CLASP1: variants seen among roughly 807,000 people sequenced by gnomAD.
The protein encoded by CLASP1 is CLIP-associating protein 1.
A neutral mutation model predicts 192.3 loss-of-function variants in CLASP1; 38 were observed. The ratio of observed to expected loss-of-function variants is 0.20; its 90% CI spans 0.15 to 0.26. The LOEUF is 0.26. CLASP1 is among the 10% of genes least tolerant of loss of function. CLASP1 has a pLI of 1.00. For synonymous variants in CLASP1, 691 were observed against 712.8 expected (o/e 0.97, Z 0.49); for missense variants, 1,433 against 1,932.5 (o/e 0.74, Z 4.85).
chr2:121,349,354 G>C (rs1047161309), intron 37 of CLASP1, among the ~76,000 whole-genome samples: 3 of 152,174 alleles, frequency 2.0e-5, no homozygotes, highest in Non-Finnish European at 2.9e-5. Context: ...GGCCCACCCA[G>C]ACCTGCTCAC....
At chr2:121,509,565 C>T (rs1183515714) in intron 7 of CLASP1, among the ~76,000 whole-genome samples, 1 of 152,190 alleles carries the variant, frequency 6.6e-6, no homozygotes, top group Non-Finnish European at 1.5e-5. Flanking sequence ...AAGCCGGGCA[C>T]GGTGGACCAC....
rs563033471 is a variant in CLASP1 at position 121,630,166 on chromosome 2, C to T, written c.-286+19206G>A. Among the ~76,000 whole-genome samples the T allele has an allele frequency of 3.0e-3, 451 of 152,110 alleles. 3 individuals carry two copies. The highest frequency in any genetic ancestry group is 2.6e-3 in the Non-Finnish European group (179 of 67,990). ...AACTCCTGACCTCAAGCGATCCACC[C>T]GCCTCCGCCTCCCAAACTGCTGGGA... On this transcript the variant is annotated intron_variant, in intron 1 of 39. Coordinates refer to ENST00000263710, the Ensembl canonical transcript of CLASP1.
chr2:121,353,516 G>A (rs1408242027), intron 37 of CLASP1, among the ~76,000 whole-genome samples: 1 of 152,128 alleles, frequency 6.6e-6, no homozygotes, highest in Non-Finnish European at 1.5e-5. Flanking sequence ...CCCACACCCT[G>A]CCCAGCCACA....
chr2:121,541,514 C>T (rs910731086), intron 2 of CLASP1, among the ~76,000 whole-genome samples: 3 of 152,182 alleles, frequency 2.0e-5, no homozygotes, highest in Non-Finnish European at 4.4e-5. Context: ...TTCACTATAA[C>T]ATAATAATGA....
chr2:121,414,672 A>G (rs2149530023), intron 23 of CLASP1, among the ~76,000 whole-genome samples: 1 of 152,346 alleles, frequency 6.6e-6, no homozygotes, highest in Middle Eastern at 3.4e-3. Flanking sequence ...GAAGTTCATA[A>G]TGTTACTTCA....
rs13413520 is a variant in CLASP1 at position 121,492,325 on chromosome 2, C to T, written c.712+10842G>A. 5.0e-3 allele frequency among the ~76,000 whole-genome samples: 687 copies of T among 138,470 alleles called. 5 individuals are homozygous for T. Among genetic ancestry groups the T allele is most frequent in the African/African-American group, 0.017 (629 of 36,752 alleles). The allele number at this position is 138,470 out of a possible 152,430, so 90.8% of individuals were successfully genotyped here. On this transcript the variant is annotated intron_variant, in intron 8 of 39. Transcript: ENST00000263710. ...AATGGTGAGAACCCGGGAGGCGGAG[C>T]TTGCAGTGAGCCGAGGTCGCACCAG...
intron 28 of CLASP1, among the ~76,000 whole-genome samples, chr2:121,401,057 C>T (rs2076094945): frequency 1.3e-5 from 2 of 152,198 alleles, no homozygotes; most frequent in Admixed American, 1.3e-4. Context: ...TGCAAATGTG[C>T]TATTAATCTC....
intron 32 of CLASP1, among the ~76,000 whole-genome samples, chr2:121,383,223 G>T (rs753394421): frequency 1.9e-4 from 29 of 152,224 alleles, no homozygotes; most frequent in Non-Finnish European, 3.8e-4. Context: ...TGCCTACACA[G>T]CAGCCCTGCC....
At chr2:121,593,626 C>CAAAAAA (rs61315745) in intron 2 of CLASP1, among the ~76,000 whole-genome samples, 40 of 50,634 alleles carry the variant, frequency 7.9e-4, no homozygotes, top group African/African-American at 2.0e-3. Context: ...AACTCCGTCT[C>CAAAAAA]AAAAAAAAAA....
At chr2:121,474,214 A>C (rs1037565618) in intron 8 of CLASP1, among the ~76,000 whole-genome samples, 2 of 152,208 alleles carry the variant, frequency 1.3e-5, no homozygotes, top group Non-Finnish European at 2.9e-5. Flanking sequence ...ATTAGGATAT[A>C]TGTTGCTGTA....
chr2:121,518,025 T>A (rs1305208807), intron 6 of CLASP1, among the ~76,000 whole-genome samples: 1 of 147,452 alleles, frequency 6.8e-6, no homozygotes, highest in Non-Finnish European at 1.5e-5. Flanking sequence ...AGGTCAGGAG[T>A]TCGAGACCAG....
At chr2:121,409,148 A>G (rs1295250868) in intron 24 of CLASP1, 2 of 968,870 alleles carry the variant, frequency 2.1e-6, no homozygotes, top group Non-Finnish European at 3.1e-6. Context: ...ACAGCAAAAC[A>G]TATCTTAGCA....
At chr2:121,451,714 A>G in intron 15 of CLASP1, 76 bp downstream of exon 15, 4 of 1,159,516 alleles carry the variant, frequency 3.4e-6, no homozygotes, top group Non-Finnish European at 5.0e-6. Context: ...ACAGAAAGCC[A>G]GCTGGACCAC....
chr2:121,461,372 T>G (rs969586093), intron 10 of CLASP1, among the ~76,000 whole-genome samples, 179 bp from the exon 11 acceptor site: 1 of 152,178 alleles, frequency 6.6e-6, no homozygotes, highest in Non-Finnish European at 1.5e-5. Context: ...ACTACAAATG[T>G]GTACCCACAA....
At chr2:121,426,104 C>T (rs1378021788) in intron 21 of CLASP1, among the ~76,000 whole-genome samples, 1 of 152,062 alleles carries the variant, frequency 6.6e-6, no homozygotes, top group Non-Finnish European at 1.5e-5. Flanking sequence ...ATGATCACAC[C>T]ACTGCACTTC....
At chr2:121,633,440 T>TG (rs33998120) in intron 1 of CLASP1, among the ~76,000 whole-genome samples, 36,089 of 151,790 alleles carry the variant, frequency 0.24, 6,502 homozygotes, top group African/African-American at 0.5. Flanking sequence ...GTCTAACCCC[T>TG]CCCCGCAAAT....
At chr2:121,422,754 T>C (rs1378673569) in intron 22 of CLASP1, among the ~76,000 whole-genome samples, 1 of 151,866 alleles carries the variant, frequency 6.6e-6, no homozygotes, top group East Asian at 1.9e-4. Context: ...AAAAAGAAAA[T>C]TTTGTTAAGA....
chr2:121,429,253 G>A (rs756783187), intron 20 of CLASP1, among the ~76,000 whole-genome samples: 5 of 152,280 alleles, frequency 3.3e-5, no homozygotes, highest in African/African-American at 9.6e-5. Context: ...AGTTCCTTGG[G>A]CCACAAAGGA....
chr2:121,436,008 T>C (rs1259558607), intron 19 of CLASP1, among the ~76,000 whole-genome samples: 1 of 152,058 alleles, frequency 6.6e-6, no homozygotes, highest in African/African-American at 2.4e-5. Flanking sequence ...GTGGCTTCTG[T>C]GCCTTTCGTG....
Sources: gnomAD v4.1 joint callset for allele counts (sites outside exome capture counted in the v4.1 genomes callset) on GRCh38, gnomAD v4.1.1 for gene constraint, MANE v1.5 for transcripts, NCBI Gene and HGNC (gene_info 2026-07-23, HGNC 2026-07-21) for gene names.